NFATC3: variants seen among roughly 807,000 people sequenced by gnomAD.
The protein encoded by NFATC3 is nuclear factor of activated T cells 3, also known as nuclear factor of activated T-cells, cytoplasmic 3.
NFATC3 carries 46 observed loss-of-function variants against 98.6 expected under a neutral mutation model. The observed-to-expected ratio is 0.47, with a 90% CI of 0.37 to 0.60. NFATC3 has a LOEUF of 0.60. Ranked by LOEUF, NFATC3 falls within the 20% of genes least tolerant of loss-of-function variation. NFATC3 has a pLI of 0.00. For synonymous variants in NFATC3, 512 were observed against 472.2 expected, an observed-to-expected ratio of 1.08 and a Z score of -1.09; for missense variants, 1,256 against 1,295.5, an observed-to-expected ratio of 0.97 and a Z score of 0.47.
intron 3 of NFATC3, among the ~76,000 whole-genome samples, chr16:68,156,864 A>G (rs1376978131): frequency 6.6e-6 from 1 of 151,958 alleles, no homozygotes; most frequent in African/African-American, 2.4e-5. Flanking sequence ...GCTTGAACCC[A>G]GGAGGCAGAG....
chr16:68,156,306 A>G (rs2038611980), intron 3 of NFATC3, among the ~76,000 whole-genome samples: 1 of 151,396 alleles, frequency 6.6e-6, no homozygotes, highest in Admixed American at 6.6e-5. Flanking sequence ...CAAGAGCGAG[A>G]CTTCGTCTCA....
At chr16:68,132,043 T>A (rs2037139607) in intron 3 of NFATC3, among the ~76,000 whole-genome samples, 1 of 152,202 alleles carries the variant, frequency 6.6e-6, no homozygotes, top group Non-Finnish European at 1.5e-5. Context: ...ACTTCCACTT[T>A]CCCTTTTAAA....
intron 1 of NFATC3, among the ~76,000 whole-genome samples, chr16:68,093,012 T>C (rs2151443781): frequency 6.6e-6 from 1 of 152,356 alleles, no homozygotes; most frequent in African/African-American, 2.4e-5. Context: ...AAAGTCATAG[T>C]TGAGGTTATC....
intron 9 of NFATC3, among the ~76,000 whole-genome samples, chr16:68,211,545 C>T (rs1359077617): frequency 1.4e-5 from 2 of 146,256 alleles, no homozygotes; most frequent in African/African-American, 2.5e-5. Context: ...TTGTTTGAGT[C>T]GGAGTCTCAC....
At chr16:68,194,103 A>AG (rs1211209489) in intron 9 of NFATC3, among the ~76,000 whole-genome samples, 1 of 152,202 alleles carries the variant, frequency 6.6e-6, no homozygotes, top group Non-Finnish European at 1.5e-5. Flanking sequence ...TCAAACTCTG[A>AG]GGTAGATAGT....
At chr16:68,212,948 C>A (rs977181441) in intron 9 of NFATC3, among the ~76,000 whole-genome samples, 3 of 148,116 alleles carry the variant, frequency 2.0e-5, no homozygotes, top group Admixed American at 1.3e-4. Flanking sequence ...CGCCACCACG[C>A]CTGGCTGATT....
chr16:68,138,497 A>G (rs1246923369), intron 3 of NFATC3: 1 of 1,263,940 alleles, frequency 7.9e-7, no homozygotes, highest in Non-Finnish European at 1.0e-6. Flanking sequence ...ATTTTCTTTC[A>G]AATTGTTGCT....
intron 1 of NFATC3, among the ~76,000 whole-genome samples, chr16:68,097,711 C>G (rs1211496012): frequency 6.8e-6 from 1 of 146,690 alleles, no homozygotes; most frequent in African/African-American, 2.5e-5. Context: ...TTATCTATTT[C>G]AACAGCTTTA....
intron 7 of NFATC3, among the ~76,000 whole-genome samples, chr16:68,182,518 T>A (rs900838743): frequency 7.9e-5 from 12 of 152,164 alleles, no homozygotes; most frequent in African/African-American, 2.7e-4. Context: ...TTTATTTTTT[T>A]AATTTTTATT....
At chr16:68,211,397 A>G (rs1241490597) in intron 9 of NFATC3, among the ~76,000 whole-genome samples, 2 of 151,944 alleles carry the variant, frequency 1.3e-5, no homozygotes, top group African/African-American at 4.8e-5. Context: ...CATGTTGGCC[A>G]GGATGGTTTC....
chr16:68,156,154 T>C (rs905580351), intron 3 of NFATC3, among the ~76,000 whole-genome samples: 1 of 151,676 alleles, frequency 6.6e-6, no homozygotes, highest in South Asian at 2.1e-4. Flanking sequence ...CTACTAAAAA[T>C]ACAAAAATTA....
At chr16:68,169,630 AT>A (rs1209957538) in intron 5 of NFATC3, among the ~76,000 whole-genome samples, 1 of 151,134 alleles carries the variant, frequency 6.6e-6, no homozygotes, top group South Asian at 2.1e-4. Flanking sequence ...ATGATTCTTA[AT>A]TTTTTTTCTT....
chr16:68,138,597 C>G, intron 3 of NFATC3: 1 of 1,289,224 alleles, frequency 7.8e-7, no homozygotes, highest in Non-Finnish European at 1.0e-6. Context: ...ATGGAAAGCA[C>G]TCAAGATACT....
chr16:68,102,071 T>G (rs2035393107), intron 1 of NFATC3, among the ~76,000 whole-genome samples: 1 of 152,036 alleles, frequency 6.6e-6, no homozygotes, highest in Non-Finnish European at 1.5e-5. Context: ...TTTTGTGACC[T>G]TATATATTTA....
At chr16:68,095,855 A>C (rs1209197934) in intron 1 of NFATC3, among the ~76,000 whole-genome samples, 1 of 152,216 alleles carries the variant, frequency 6.6e-6, no homozygotes, top group Non-Finnish European at 1.5e-5. Context: ...CTGGGACACA[A>C]AATTCATTTT....
chr16:68,158,378 A>T, intron 4 of NFATC3, among the ~76,000 whole-genome samples: 1 of 152,198 alleles, frequency 6.6e-6, no homozygotes, highest in East Asian at 1.9e-4. Flanking sequence ...ATAAACAATT[A>T]TGATACAATT....
chr16:68,177,597 T>A (rs551362756), intron 6 of NFATC3, among the ~76,000 whole-genome samples: 38 of 152,214 alleles, frequency 2.5e-4, no homozygotes, highest in South Asian at 2.3e-3. Context: ...TTACTTTTTT[T>A]ATTATGTTTT....
At chr16:68,160,230 T>C (rs2038828735) in intron 4 of NFATC3, among the ~76,000 whole-genome samples, 1 of 151,986 alleles carries the variant, frequency 6.6e-6, no homozygotes, top group Non-Finnish European at 1.5e-5. Flanking sequence ...ACATAACTTA[T>C]TTTGGGCAGA....
intron 5 of NFATC3, among the ~76,000 whole-genome samples, chr16:68,168,561 C>T (rs1332079424): frequency 6.6e-6 from 1 of 152,194 alleles, no homozygotes; most frequent in Non-Finnish European, 1.5e-5. Context: ...TCTTGGCTCA[C>T]TGCAACCTCC....
Sources: gnomAD v4.1 joint callset for allele counts (sites outside exome capture counted in the v4.1 genomes callset) on GRCh38, gnomAD v4.1.1 for gene constraint, MANE v1.5 for transcripts, NCBI Gene and HGNC (gene_info 2026-07-23, HGNC 2026-07-21) for gene names.